RBFOX1: variants seen among roughly 807,000 people sequenced by gnomAD.
The protein encoded by RBFOX1 is RNA binding fox-1 homolog 1.
Under a neutral mutation model 57.7 loss-of-function variants are expected in RBFOX1, and 8 were observed. That is an observed-to-expected ratio of 0.14 (90% CI 0.08 to 0.25). The LOEUF (loss-of-function observed/expected upper bound fraction) is 0.25. Ranked by LOEUF, RBFOX1 falls within the 10% of genes least tolerant of loss-of-function variation. RBFOX1 has a pLI of 1.00. For missense variants in RBFOX1, 611 were observed against 548.5 expected, an observed-to-expected ratio of 1.11 and a Z score of -1.14; for synonymous variants, 326 against 222.4, an observed-to-expected ratio of 1.47 and a Z score of -4.15.
chr16:6,483,412 A>G (rs1161048423), intron 2 of RBFOX1: 1 of 1,534,646 alleles, frequency 6.5e-7, no homozygotes, highest in Admixed American at 2.0e-5. Context: ...TTACATTGCT[A>G]GCACGTGGGT....
At chr16:6,535,723 G>T (rs145151136) in intron 2 of RBFOX1, among the ~76,000 whole-genome samples, 1,944 of 152,196 alleles carry the variant, frequency 0.013, 38 homozygotes, top group African/African-American at 0.044. Context: ...TTCGAGCAAG[G>T]GCTGGAAGGA....
At chr16:6,809,629 A>G (rs1176535859) in intron 3 of RBFOX1, among the ~76,000 whole-genome samples, 1 of 152,178 alleles carries the variant, frequency 6.6e-6, no homozygotes, top group Non-Finnish European at 1.5e-5. Flanking sequence ...TCCGAAGTCC[A>G]TAGGAACACA....
chr16:6,755,006 C>T (rs1159228726), intron 3 of RBFOX1, among the ~76,000 whole-genome samples: 6 of 152,158 alleles, frequency 3.9e-5, no homozygotes, highest in Non-Finnish European at 5.9e-5. Context: ...TTTCCAATTT[C>T]ATCCATGTCC....
At chr16:7,548,752 C>T (rs150365985) in intron 5 of RBFOX1, among the ~76,000 whole-genome samples, 1 of 152,212 alleles carries the variant, frequency 6.6e-6, no homozygotes, top group Non-Finnish European at 1.5e-5. Flanking sequence ...TTCTTCTCCA[C>T]TTGAGGCCGC....
intron 2 of RBFOX1, among the ~76,000 whole-genome samples, chr16:5,516,448 C>G (rs2043795612): frequency 2.0e-5 from 3 of 152,182 alleles, no homozygotes; most frequent in Admixed American, 1.3e-4. Flanking sequence ...GCATAAGTTA[C>G]TTGACCTCTC....
chr16:7,575,884 G>A (rs2093291201), intron 5 of RBFOX1, among the ~76,000 whole-genome samples: 1 of 152,104 alleles, frequency 6.6e-6, no homozygotes, highest in African/African-American at 2.4e-5. Flanking sequence ...GTCATCTCCT[G>A]CTGCATTTCA....
intron 1 of RBFOX1, among the ~76,000 whole-genome samples, chr16:6,182,059 T>C (rs150766291): frequency 0.029 from 4,485 of 152,308 alleles, 87 homozygotes; most frequent in Non-Finnish European, 0.045. Flanking sequence ...CTGGGAAATG[T>C]AGTATTCCTG....
chr16:6,121,103 A>G (rs1040257075), intron 1 of RBFOX1, among the ~76,000 whole-genome samples: 1 of 152,156 alleles, frequency 6.6e-6, no homozygotes, highest in Non-Finnish European at 1.5e-5. Context: ...TTCCTGTCCA[A>G]CTGGCCTGTT....
At chr16:6,226,655 T>C (rs1316099121) in intron 1 of RBFOX1, among the ~76,000 whole-genome samples, 1 of 152,124 alleles carries the variant, frequency 6.6e-6, no homozygotes, top group East Asian at 1.9e-4. Context: ...CAAGAGCATT[T>C]TCTCCCCAAA....
At chr16:6,955,281 C>G (rs1015899329) in intron 3 of RBFOX1, among the ~76,000 whole-genome samples, 12 of 151,868 alleles carry the variant, frequency 7.9e-5, no homozygotes, top group African/African-American at 2.9e-4. Context: ...CTAGAACTCC[C>G]TAGCGTACGA....
intron 4 of RBFOX1, among the ~76,000 whole-genome samples, chr16:7,192,904 C>G (rs1466789212): frequency 2.0e-5 from 3 of 152,218 alleles, no homozygotes; most frequent in Admixed American, 1.3e-4. Flanking sequence ...CAGTCTCACA[C>G]CCTCTTCTGA....
chr16:7,284,487 CG>C (rs1210716735), intron 4 of RBFOX1, among the ~76,000 whole-genome samples: 1 of 152,042 alleles, frequency 6.6e-6, no homozygotes, highest in African/African-American at 2.4e-5. Context: ...CTCACCACCA[CG>C]CCTGGTTAAT....
intron 2 of RBFOX1, chr16:6,483,786 C>T (rs1464334084): frequency 7.2e-6 from 10 of 1,395,320 alleles, no homozygotes; most frequent in Non-Finnish European, 9.3e-6. Context: ...TTAGCGCAGA[C>T]ACGGTGGCGG....
At chr16:6,055,331 A>C (rs943889850) in intron 1 of RBFOX1, among the ~76,000 whole-genome samples, 6 of 152,044 alleles carry the variant, frequency 3.9e-5, no homozygotes, top group Non-Finnish European at 8.8e-5. Flanking sequence ...GGTGGCTCAC[A>C]CTTATAATCC....
At chr16:7,329,916 A>G (rs2096662345) in intron 4 of RBFOX1, among the ~76,000 whole-genome samples, 1 of 152,210 alleles carries the variant, frequency 6.6e-6, no homozygotes, top group South Asian at 2.1e-4. Flanking sequence ...TCTTTTATAT[A>G]TAAGCATATA....
At chr16:6,277,045 G>A (rs967632691) in intron 1 of RBFOX1, among the ~76,000 whole-genome samples, 2 of 152,084 alleles carry the variant, frequency 1.3e-5, no homozygotes, top group Non-Finnish European at 2.9e-5. Context: ...TATCTTAACC[G>A]GACATGGGTT....
intron 4 of RBFOX1, among the ~76,000 whole-genome samples, chr16:7,305,697 T>C (rs954985405): frequency 1.3e-5 from 2 of 152,238 alleles, no homozygotes; most frequent in Non-Finnish European, 1.5e-5. Flanking sequence ...TGGGTGATTT[T>C]CTATCAAGTT....
chr16:7,345,098 T>G (rs1488859235), intron 4 of RBFOX1, among the ~76,000 whole-genome samples: 1 of 152,164 alleles, frequency 6.6e-6, no homozygotes, highest in Non-Finnish European at 1.5e-5. Context: ...GACCTTTATT[T>G]TTGGTTATCA....
At chr16:6,638,120 A>G (rs1366706551) in intron 2 of RBFOX1, among the ~76,000 whole-genome samples, 2 of 152,192 alleles carry the variant, frequency 1.3e-5, no homozygotes, top group Admixed American at 6.5e-5. Flanking sequence ...CTGCCATTGT[A>G]AAAGAGAAAG....
Sources: gnomAD v4.1 joint callset for allele counts (sites outside exome capture counted in the v4.1 genomes callset) on GRCh38, gnomAD v4.1.1 for gene constraint, MANE v1.5 for transcripts, NCBI Gene and HGNC (gene_info 2026-07-23, HGNC 2026-07-21) for gene names.